SAXO1: variants seen among roughly 807,000 people sequenced by gnomAD.
SAXO1 encodes 4930500O09Rik.
SAXO1 carries 21 observed loss-of-function variants against 17.5 expected under a neutral mutation model. That is an observed-to-expected ratio of 1.20 (90% CI 0.85 to 1.72). SAXO1 has a LOEUF of 1.72. Ranked by LOEUF, SAXO1 falls within the 40% of genes most tolerant of loss-of-function variation. The pLI, the probability that SAXO1 is intolerant of heterozygous loss-of-function variation, is 0.00. For synonymous variants in SAXO1, 274 were observed against 216.5 expected (o/e 1.27, Z -2.33); for missense variants, 843 against 596.0 (o/e 1.41, Z -4.32).
intron 1 of SAXO1, among the ~76,000 whole-genome samples, chr9:19,017,561 G>A (rs912857338): frequency 3.3e-5 from 5 of 152,184 alleles, no homozygotes; most frequent in Non-Finnish European, 7.3e-5. Flanking sequence ...GATTTGGGCT[G>A]TGGCTCTGGC....
At chr9:19,016,035 C>T (rs978887198) in intron 1 of SAXO1, among the ~76,000 whole-genome samples, 20 of 152,174 alleles carry the variant, frequency 1.3e-4, no homozygotes, top group Non-Finnish European at 2.6e-4. Flanking sequence ...AAGATTCAGA[C>T]ATTCACATGC....
At chr9:19,017,951 T>A (rs1268872201) in intron 1 of SAXO1, among the ~76,000 whole-genome samples, 1 of 152,200 alleles carries the variant, frequency 6.6e-6, no homozygotes, top group East Asian at 1.9e-4. Flanking sequence ...GAAGATCACT[T>A]GAGCCTAGGA....
At chr9:18,976,082 A>G (rs1833139141) in intron 1 of SAXO1, among the ~76,000 whole-genome samples, 1 of 152,238 alleles carries the variant, frequency 6.6e-6, no homozygotes, top group African/African-American at 2.4e-5. Flanking sequence ...AAAACATGAT[A>G]TTCCAATATT....
At chr9:19,015,979 C>G (rs1834958642) in intron 1 of SAXO1, among the ~76,000 whole-genome samples, 1 of 152,176 alleles carries the variant, frequency 6.6e-6, no homozygotes, top group South Asian at 2.1e-4. Flanking sequence ...ATCCTTCAAA[C>G]AGCTCTCCAG....
chr9:18,972,826 G>A (rs1035883426), intron 1 of SAXO1, among the ~76,000 whole-genome samples: 3 of 152,110 alleles, frequency 2.0e-5, no homozygotes, highest in African/African-American at 7.2e-5. Context: ...TGCCCACACT[G>A]CACTAAGCCT....
intron 1 of SAXO1, among the ~76,000 whole-genome samples, chr9:18,980,002 G>A (rs1180440906): frequency 1.3e-5 from 2 of 152,186 alleles, no homozygotes; most frequent in Non-Finnish European, 2.9e-5. Context: ...GAAAGGAAGG[G>A]AAACAGAGCC....
intron 3 of SAXO1, among the ~76,000 whole-genome samples, chr9:18,934,373 G>C (rs1243468739): frequency 6.6e-6 from 1 of 151,910 alleles, no homozygotes; most frequent in East Asian, 1.9e-4. Flanking sequence ...ATTTTTTTCT[G>C]TTCTTCAGAT....
At chr9:19,021,989 G>C (rs1021793978) in intron 1 of SAXO1, among the ~76,000 whole-genome samples, 7 of 152,216 alleles carry the variant, frequency 4.6e-5, no homozygotes, top group Non-Finnish European at 8.8e-5. Context: ...ACTGGGTCGG[G>C]TCCCCTTCCC....
chr9:18,941,123 A>G (rs1404847099), intron 3 of SAXO1, among the ~76,000 whole-genome samples: 1 of 152,234 alleles, frequency 6.6e-6, no homozygotes, highest in Non-Finnish European at 1.5e-5. Flanking sequence ...ATGTGAATGA[A>G]TCAATCACTT....
chr9:19,037,008 T>C (rs1403694167), upstream of SAXO1, among the ~76,000 whole-genome samples: 1 of 152,200 alleles, frequency 6.6e-6, no homozygotes, highest in Non-Finnish European at 1.5e-5. Context: ...GTGACCTGGA[T>C]GTGAGACATG....
upstream of SAXO1, among the ~76,000 whole-genome samples, chr9:19,036,332 C>T (rs1835937468): frequency 6.6e-6 from 1 of 151,470 alleles, no homozygotes; most frequent in African/African-American, 2.4e-5. Context: ...AAGCTGGCTG[C>T]AGAAATTTGC....
chr9:19,015,577 C>G (rs533840488), intron 1 of SAXO1, among the ~76,000 whole-genome samples: 26 of 151,678 alleles, frequency 1.7e-4, no homozygotes, highest in Admixed American at 1.4e-3. Flanking sequence ...CTCCTAACCT[C>G]GAGTGATCAC....
At chr9:18,959,196 T>A (rs950925531) in intron 1 of SAXO1, among the ~76,000 whole-genome samples, 1 of 152,116 alleles carries the variant, frequency 6.6e-6, no homozygotes, top group Admixed American at 6.5e-5. Flanking sequence ...AGGAGGTACT[T>A]AAGAAATGTT....
chr9:19,034,886 G>C (rs139639715), upstream of SAXO1, among the ~76,000 whole-genome samples: 83 of 152,306 alleles, frequency 5.4e-4, no homozygotes, highest in African/African-American at 1.9e-3. Flanking sequence ...AAATCTTTCA[G>C]CAGAAGAATG....
intron 1 of SAXO1, among the ~76,000 whole-genome samples, chr9:19,006,644 A>T (rs190084446): frequency 6.6e-6 from 1 of 152,248 alleles, no homozygotes; most frequent in African/African-American, 2.4e-5. Context: ...ATTTTTGTTT[A>T]AACAAGTACA....
intron 1 of SAXO1, among the ~76,000 whole-genome samples, chr9:18,959,438 C>T (rs551027444): frequency 1.3e-5 from 2 of 152,214 alleles, no homozygotes; most frequent in African/African-American, 4.8e-5. Flanking sequence ...GGCCTCGACC[C>T]AGGGCATCTA....
At chr9:18,987,312 G>T (rs1833633012) in intron 1 of SAXO1, among the ~76,000 whole-genome samples, 1 of 152,184 alleles carries the variant, frequency 6.6e-6, no homozygotes, top group Non-Finnish European at 1.5e-5. Flanking sequence ...CAAACTCCAA[G>T]ATGACAGAAC....
At chr9:18,987,000 A>G (rs542043890) in intron 1 of SAXO1, among the ~76,000 whole-genome samples, 1 of 152,344 alleles carries the variant, frequency 6.6e-6, no homozygotes, top group Non-Finnish European at 1.5e-5. Flanking sequence ...TGGTTAATAG[A>G]TACAACACAA....
At chr9:18,932,909 C>A (rs1358240948) in intron 3 of SAXO1, among the ~76,000 whole-genome samples, 4 of 43,034 alleles carry the variant, frequency 9.3e-5, no homozygotes, top group African/African-American at 3.6e-4. Flanking sequence ...TGTATTAGTT[C>A]TGGTAATTTT....
Sources: allele counts gnomAD v4.1 joint callset (sites outside exome capture counted in the v4.1 genomes callset), GRCh38; gene constraint gnomAD v4.1.1; transcripts MANE v1.5; gene names NCBI Gene and HGNC (gene_info 2026-07-23, HGNC 2026-07-21).